The following RFC3 variants were observed in gnomAD, a reference collection of about 807,000 sequenced individuals.
The protein encoded by RFC3 is A1 38 kDa subunit.
A neutral mutation model predicts 45.1 loss-of-function variants in RFC3; 41 were observed. The ratio of observed to expected loss-of-function variants is 0.91; its 90% CI spans 0.71 to 1.18. The LOEUF is 1.18. Ranked by LOEUF, RFC3 falls within the 50% of genes most tolerant of loss-of-function variation. The probability of loss-of-function intolerance (pLI) is 0.00; values close to 1 mark genes in which losing one functional copy is unlikely to be tolerated. For missense variants in RFC3, 423 were observed against 428.1 expected, an observed-to-expected ratio of 0.99 and a Z score of 0.10; for synonymous variants, 149 against 144.0, an observed-to-expected ratio of 1.03 and a Z score of -0.25.
At chr13:33,886,407 G>A (rs549213316) in intron 8 of RFC3, among the ~76,000 whole-genome samples, 38 of 152,006 alleles carry the variant, frequency 2.5e-4, no homozygotes, top group Admixed American at 1.0e-3. Flanking sequence ...TTAGCCGGTC[G>A]TGGTGGTGGG....
At chr13:33,950,280 C>T (rs1477983754) in intron 8 of RFC3, among the ~76,000 whole-genome samples, 2 of 152,090 alleles carry the variant, frequency 1.3e-5, no homozygotes, top group African/African-American at 4.8e-5. Flanking sequence ...TTTACTGTAA[C>T]TGTGTAGCAG....
chr13:33,925,407 TATACATACATAGTGTACTATATAC>T (rs1593696501), intron 8 of RFC3, among the ~76,000 whole-genome samples: 1 of 117,644 alleles, frequency 8.5e-6, no homozygotes, highest in Admixed American at 9.0e-5. Flanking sequence ...TAGTGTACTA[TATACATACATAGTGTACTATATAC>T]ATACATACAT....
At chr13:33,848,271 T>C (rs2082252645) in intron 8 of RFC3, 1 of 152,208 alleles carries the variant, frequency 6.6e-6, no homozygotes, top group South Asian at 2.1e-4. Flanking sequence ...TCTACAGCAG[T>C]GGGGATTATC....
chr13:33,834,250 T>C (rs1325222501), intron 7 of RFC3, among the ~76,000 whole-genome samples: 1 of 146,730 alleles, frequency 6.8e-6, no homozygotes. Context: ...AGAATTCTTA[T>C]AAATCACTAC....
intron 8 of RFC3, among the ~76,000 whole-genome samples, chr13:33,866,847 A>G (rs1329084497): frequency 2.0e-5 from 3 of 152,218 alleles, no homozygotes; most frequent in African/African-American, 7.2e-5. Context: ...TTAAAAAGCC[A>G]GATGATAATT....
downstream of RFC3, among the ~76,000 whole-genome samples, chr13:33,842,414 T>C (rs2082206246): frequency 6.6e-6 from 1 of 152,228 alleles, no homozygotes; most frequent in Non-Finnish European, 1.5e-5. Context: ...GTGAACCCTC[T>C]TTGTCCAGTG....
chr13:33,917,909 G>T (rs1038559535), intron 8 of RFC3, among the ~76,000 whole-genome samples: 26 of 151,916 alleles, frequency 1.7e-4, no homozygotes, highest in African/African-American at 6.3e-4. Flanking sequence ...CCAGTAAGGG[G>T]GTGTCAGAGA....
intron 8 of RFC3, among the ~76,000 whole-genome samples, chr13:33,957,170 A>G (rs1032016492): frequency 2.0e-5 from 3 of 152,118 alleles, no homozygotes; most frequent in Non-Finnish European, 1.5e-5. Context: ...TAGGTTATTT[A>G]TTTCTTTCTC....
At chr13:33,861,792 A>T (rs1472811114) in intron 8 of RFC3, among the ~76,000 whole-genome samples, 1 of 152,198 alleles carries the variant, frequency 6.6e-6, no homozygotes, top group Non-Finnish European at 1.5e-5. Flanking sequence ...TTTTCACTTA[A>T]CAATTTTGTA....
At chr13:33,877,939 T>G (rs1167248186) in intron 8 of RFC3, among the ~76,000 whole-genome samples, 1 of 151,606 alleles carries the variant, frequency 6.6e-6, no homozygotes, top group African/African-American at 2.4e-5. Flanking sequence ...GCCTCTGCCC[T>G]CAAGAAATTC....
chr13:33,828,718 G>T (rs550424933), intron 4 of RFC3, among the ~76,000 whole-genome samples: 1 of 152,318 alleles, frequency 6.6e-6, no homozygotes, highest in East Asian at 1.9e-4. Context: ...TAGACATGGG[G>T]TTTTGCTATG....
chr13:33,831,833 A>G (rs897944685), intron 7 of RFC3, among the ~76,000 whole-genome samples: 41 of 152,106 alleles, frequency 2.7e-4, no homozygotes, highest in African/African-American at 9.7e-4. Context: ...TTTTATCTTC[A>G]TTTGTATATT....
intron 8 of RFC3, among the ~76,000 whole-genome samples, chr13:33,941,109 A>G (rs1593707710): frequency 6.6e-6 from 1 of 152,064 alleles, no homozygotes; most frequent in Admixed American, 6.6e-5. Flanking sequence ...AAGTGGATGG[A>G]GCTATGGGGA....
intron 8 of RFC3, among the ~76,000 whole-genome samples, chr13:33,962,572 A>G (rs1410840309): frequency 6.6e-6 from 1 of 152,232 alleles, no homozygotes; most frequent in Non-Finnish European, 1.5e-5. Flanking sequence ...CAGAGGCCAA[A>G]TATTTATGTT....
chr13:33,830,727 C>T lies in RFC3; in HGVS notation c.582C>T (p.His194=), dbSNP rs753296042. 6.3e-5 allele frequency: 101 copies of T among 1,597,942 alleles called. No homozygotes were observed. In the South Asian group the frequency reaches 9.7e-4, roughly 15 times the overall value. ...VPAPSIEDIC[H]VLSTVCKKEG... ...GTTAATTTTATTTGTAGATTTGCCA[C>T]GTGTTATCTACTGTGTGTAAGAAGG... The change falls in exon 6 of 9, where the codon CAC becomes CAT. Residue 194 remains histidine, a synonymous_variant. Coordinates refer to ENST00000380071, the MANE Select transcript of RFC3 (RefSeq NM_002915.4).
intron 8 of RFC3, among the ~76,000 whole-genome samples, chr13:33,900,629 ATTGT>A (rs2082634516): frequency 6.6e-6 from 1 of 151,990 alleles, no homozygotes; most frequent in African/African-American, 2.4e-5. Flanking sequence ...CTGGGCAAAG[ATTGT>A]TTGTGTAAGA....
At chr13:33,866,590 A>T (rs2082375133) in intron 8 of RFC3, among the ~76,000 whole-genome samples, 1 of 152,236 alleles carries the variant, frequency 6.6e-6, no homozygotes, top group Non-Finnish European at 1.5e-5. Context: ...CACATCAAAA[A>T]GCTGGAGCCC....
chr13:33,845,994 C>G (rs192718230), intron 8 of RFC3, among the ~76,000 whole-genome samples: 163 of 152,290 alleles, frequency 1.1e-3, no homozygotes, highest in Non-Finnish European at 1.9e-3. Context: ...AGGGGGCACC[C>G]CAGTAATGCT....
chr13:33,846,799 A>G (rs2082240581), intron 8 of RFC3: 1 of 152,168 alleles, frequency 6.6e-6, no homozygotes, highest in Non-Finnish European at 1.5e-5. Flanking sequence ...GGGATAGACA[A>G]TTCCCCTGTG....
Sources: gnomAD v4.1 joint callset for allele counts (sites outside exome capture counted in the v4.1 genomes callset) on GRCh38, gnomAD v4.1.1 for gene constraint, MANE v1.5 for transcripts, NCBI Gene and HGNC (gene_info 2026-07-23, HGNC 2026-07-21) for gene names.